Variants in GABRB1 observed in about 807,000 individuals in gnomAD.
GABRB1 encodes the protein gamma-aminobutyric acid type A receptor subunit beta1.
Under a neutral mutation model 51.6 loss-of-function variants are expected in GABRB1, and 17 were observed. That is an observed-to-expected ratio of 0.33 (90% CI 0.23 to 0.49). The LOEUF is 0.49. Ranked by LOEUF, GABRB1 falls within the 20% of genes least tolerant of loss-of-function variation. The pLI is 0.99. For synonymous variants in GABRB1, 247 were observed against 218.9 expected (o/e 1.13, Z -1.14); for missense variants, 410 against 600.6 (o/e 0.68, Z 3.32).
At chr4:47,029,570 G>A (rs142309659), upstream of GABRB1, among the ~76,000 whole-genome samples, 641 of 151,908 alleles carry the variant, frequency 4.2e-3, 5 homozygotes, top group African/African-American at 0.014. Context: ...CATAGTTATC[G>A]CAATAATCTT....
At chr4:47,170,588 T>TC (rs1452622749) in intron 4 of GABRB1, among the ~76,000 whole-genome samples, 1 of 152,122 alleles carries the variant, frequency 6.6e-6, no homozygotes, top group African/African-American at 2.4e-5. Flanking sequence ...CCTGGGCAGA[T>TC]CTCACAAGGC....
At chr4:47,419,753 C>T (rs555500182) in intron 8 of GABRB1, among the ~76,000 whole-genome samples, 2 of 152,298 alleles carry the variant, frequency 1.3e-5, no homozygotes, top group Admixed American at 1.3e-4. Flanking sequence ...GCATGAACTA[C>T]TATTAACATT....
intron 4 of GABRB1, among the ~76,000 whole-genome samples, chr4:47,213,968 C>CT (rs1263765776): frequency 6.6e-6 from 1 of 151,778 alleles, no homozygotes; most frequent in Admixed American, 6.6e-5. Flanking sequence ...ATTTTCTCTG[C>CT]TTTTTTCCTT....
chr4:47,194,362 A>G (rs1719562001), intron 4 of GABRB1, among the ~76,000 whole-genome samples: 1 of 152,196 alleles, frequency 6.6e-6, no homozygotes. Context: ...CACTCTATTT[A>G]GAATGAATAG....
intron 3 of GABRB1, among the ~76,000 whole-genome samples, chr4:47,057,091 C>G (rs1233301677): frequency 1.1e-4 from 17 of 152,096 alleles, no homozygotes; most frequent in Admixed American, 1.1e-3. Context: ...GGCGACAGAG[C>G]AAGACTCTGT....
chr4:47,388,151 AT>A (rs1419408282), intron 5 of GABRB1, among the ~76,000 whole-genome samples: 4 of 152,248 alleles, frequency 2.6e-5, no homozygotes, highest in Non-Finnish European at 5.9e-5. Context: ...TAAAATTAGT[AT>A]AACATGTTAA....
chr4:47,059,362 G>T (rs1726751767), intron 3 of GABRB1, among the ~76,000 whole-genome samples: 1 of 152,046 alleles, frequency 6.6e-6, no homozygotes. Flanking sequence ...TTTTGAGAAG[G>T]AGTCTTGTTA....
chr4:47,216,407 C>T (rs1030821035), intron 4 of GABRB1, among the ~76,000 whole-genome samples: 6 of 151,912 alleles, frequency 3.9e-5, no homozygotes, highest in Non-Finnish European at 7.4e-5. Flanking sequence ...ATAGTTATCA[C>T]TGATATTAAG....
At chr4:47,332,285 G>T (rs1317205356) in intron 5 of GABRB1, among the ~76,000 whole-genome samples, 1 of 152,162 alleles carries the variant, frequency 6.6e-6, no homozygotes, top group Non-Finnish European at 1.5e-5. Flanking sequence ...CATCAGTGTG[G>T]TGCTGGGCCT....
At chr4:47,397,020 T>C (rs1450953841) in intron 5 of GABRB1, among the ~76,000 whole-genome samples, 2 of 152,200 alleles carry the variant, frequency 1.3e-5, no homozygotes, top group Non-Finnish European at 2.9e-5. Context: ...TTGTTGTTTG[T>C]AGAAGTTTTT....
chr4:47,051,004 A>C (rs567604768), intron 3 of GABRB1, among the ~76,000 whole-genome samples: 1 of 152,078 alleles, frequency 6.6e-6, no homozygotes, highest in East Asian at 1.9e-4. Context: ...CTCTCTGTTA[A>C]TTTTCTTGTC....
intron 4 of GABRB1, among the ~76,000 whole-genome samples, chr4:47,250,175 G>T (rs1448380434): frequency 1.3e-5 from 2 of 152,064 alleles, no homozygotes; most frequent in Non-Finnish European, 2.9e-5. Flanking sequence ...GCATTTGTTT[G>T]TCTGAAAAAG....
At chr4:47,201,349 G>A (rs922166549) in intron 4 of GABRB1, among the ~76,000 whole-genome samples, 2 of 152,104 alleles carry the variant, frequency 1.3e-5, no homozygotes, top group Non-Finnish European at 2.9e-5. Flanking sequence ...TTAAAGCTAA[G>A]ACTGTTTTGG....
chr4:47,042,414 GTATATATATATATA>G (rs764850015), intron 3 of GABRB1, among the ~76,000 whole-genome samples: 2,077 of 47,014 alleles, frequency 0.044, 44 homozygotes, highest in Non-Finnish European at 0.075. Flanking sequence ...TATGTGTACA[GTATATATATATATA>G]TATATATATA....
chr4:47,390,098 A>G (rs941681032), intron 5 of GABRB1, among the ~76,000 whole-genome samples: 3 of 152,236 alleles, frequency 2.0e-5, no homozygotes, highest in Admixed American at 2.0e-4. Context: ...CCGACTATTG[A>G]AGAAAAGTTC....
intron 5 of GABRB1, among the ~76,000 whole-genome samples, chr4:47,332,421 C>A (rs961864526): frequency 1.3e-5 from 2 of 152,150 alleles, no homozygotes; most frequent in African/African-American, 4.8e-5. Flanking sequence ...TGGAAATGGA[C>A]ATATTCTTAT....
chr4:47,028,035 T>A (rs1725157232), upstream of GABRB1, among the ~76,000 whole-genome samples: 1 of 151,780 alleles, frequency 6.6e-6, no homozygotes, highest in South Asian at 2.1e-4. Flanking sequence ...TACTTAAGGT[T>A]AAACCATTTT....
At chr4:47,134,554 T>C (rs1716558646) in intron 3 of GABRB1, among the ~76,000 whole-genome samples, 1 of 152,182 alleles carries the variant, frequency 6.6e-6, no homozygotes, top group Admixed American at 6.5e-5. Flanking sequence ...TGATTTACTT[T>C]GCTAAACAAT....
chr4:47,161,347 T>G lies in GABRB1; in HGVS notation c.339T>G (p.Ala113=). 6.2e-7 allele frequency: 1 copy of G among 1,612,622 alleles called. No individual in the cohort carries two copies. The highest frequency in any genetic ancestry group is 8.5e-7 in the Non-Finnish European group (1 of 1,179,018). Residue 113 remains alanine, a synonymous_variant, in exon 4 of 9, where the codon GCT becomes GCG. Coordinates refer to ENST00000295454, the MANE Select transcript of GABRB1 (RefSeq NM_000812.4). The part of the protein sequence containing the change: ...PLNLTLDNRV[A]DQLWVPDTYF... The stretch of plus-strand genomic sequence containing the variant: ...ACCTCACCCTAGACAATAGGGTAGC[T>G]GACCAACTCTGGGTACCAGACACCT...
Sources: allele counts gnomAD v4.1 joint callset (sites outside exome capture counted in the v4.1 genomes callset), GRCh38; gene constraint gnomAD v4.1.1; transcripts MANE v1.5; gene names NCBI Gene and HGNC (gene_info 2026-07-23, HGNC 2026-07-21).